Variants in TMEM132D observed in about 807,000 individuals in gnomAD.
TMEM132D encodes the protein mature OL transmembrane protein.
In TMEM132D, 21 loss-of-function variants were observed where a neutral mutation model predicts 62.3. The observed-to-expected ratio is 0.34, with a 90% CI of 0.24 to 0.49. The LOEUF is 0.49. Among genes scored for constraint, TMEM132D ranks in the 20% least tolerant of loss-of-function variants. The pLI, the probability that TMEM132D is intolerant of heterozygous loss-of-function variation, is 0.99. For synonymous variants in TMEM132D, 621 were observed against 575.6 expected (o/e 1.08, Z -1.13); for missense variants, 1,346 against 1,402.8 (o/e 0.96, Z 0.65).
chr12:129,674,959 G>T (rs184853239), intron 2 of TMEM132D, among the ~76,000 whole-genome samples: 4 of 152,280 alleles, frequency 2.6e-5, no homozygotes, highest in Non-Finnish European at 5.9e-5. Flanking sequence ...TTTTCAGCAT[G>T]TATGTTTTGG....
At chr12:129,075,917 TCCTC>T (rs377474059) in intron 8 of TMEM132D, among the ~76,000 whole-genome samples, 47 of 151,970 alleles carry the variant, frequency 3.1e-4, no homozygotes, top group South Asian at 1.0e-3. Flanking sequence ...ATCCATTGCT[TCCTC>T]CCTCCCTCCC....
chr12:129,607,704 A>G (rs1215177428), intron 2 of TMEM132D, among the ~76,000 whole-genome samples: 1 of 152,204 alleles, frequency 6.6e-6, no homozygotes, highest in Admixed American at 6.5e-5. Flanking sequence ...GACCGACTAC[A>G]GGATGAATAG....
At chr12:129,327,549 G>A (rs1012465809) in intron 4 of TMEM132D, among the ~76,000 whole-genome samples, 6 of 152,142 alleles carry the variant, frequency 3.9e-5, no homozygotes, top group East Asian at 1.9e-4. Context: ...ATATCATCTC[G>A]GAAAGTTTCA....
intron 2 of TMEM132D, among the ~76,000 whole-genome samples, chr12:129,596,819 C>G (rs952233745): frequency 6.6e-6 from 1 of 151,914 alleles, no homozygotes; most frequent in African/African-American, 2.4e-5. Flanking sequence ...CCCATCCACC[C>G]CCCGCCAATA....
intron 2 of TMEM132D, among the ~76,000 whole-genome samples, chr12:129,534,557 A>G (rs536099501): frequency 5.9e-5 from 9 of 152,096 alleles, no homozygotes; most frequent in Non-Finnish European, 1.2e-4. Context: ...GTGGTGCGCA[A>G]TTGTTGCTTT....
chr12:129,381,268 GA>G (rs2135687196), intron 3 of TMEM132D, among the ~76,000 whole-genome samples: 1 of 152,270 alleles, frequency 6.6e-6, no homozygotes, highest in East Asian at 1.9e-4. Flanking sequence ...TTTCTCCTAT[GA>G]GCTCTTATAG....
intron 5 of TMEM132D, among the ~76,000 whole-genome samples, chr12:129,136,578 G>A (rs1876564021): frequency 6.6e-6 from 1 of 152,186 alleles, no homozygotes; most frequent in South Asian, 2.1e-4. Context: ...CTATTTGAAA[G>A]CTTATGGCTT....
intron 4 of TMEM132D, among the ~76,000 whole-genome samples, chr12:129,264,148 G>A (rs754603488): frequency 9.2e-5 from 14 of 152,182 alleles, no homozygotes; most frequent in Non-Finnish European, 1.9e-4. Flanking sequence ...CAGCACTTTG[G>A]AAGGCCAAGG....
At chr12:129,894,262 T>A (rs1426355055) in intron 1 of TMEM132D, among the ~76,000 whole-genome samples, 1 of 152,088 alleles carries the variant, frequency 6.6e-6, no homozygotes, top group Non-Finnish European at 1.5e-5. Context: ...AACCATTAGA[T>A]CCTGTGAGAC....
chr12:129,524,191 C>T (rs773897412), intron 3 of TMEM132D, among the ~76,000 whole-genome samples: 1 of 151,396 alleles, frequency 6.6e-6, no homozygotes, highest in Admixed American at 6.6e-5. Context: ...TGTAACAAAC[C>T]TGCACATTGT....
chr12:129,397,359 T>G (rs772878414), intron 3 of TMEM132D, among the ~76,000 whole-genome samples: 2 of 152,182 alleles, frequency 1.3e-5, no homozygotes, highest in Non-Finnish European at 2.9e-5. Context: ...GTTCAGAAAT[T>G]AGATTTAATT....
At chr12:129,385,009 A>G (rs1459083662) in intron 3 of TMEM132D, among the ~76,000 whole-genome samples, 1 of 150,834 alleles carries the variant, frequency 6.6e-6, no homozygotes, top group Non-Finnish European at 1.5e-5. Context: ...CAAATTGTCT[A>G]TTATAACAAA....
intron 3 of TMEM132D, among the ~76,000 whole-genome samples, chr12:129,436,677 C>T (rs148223739): frequency 2.6e-5 from 4 of 152,174 alleles, no homozygotes; most frequent in African/African-American, 9.6e-5. Context: ...GAACAGATCT[C>T]CAAAACATAT....
intron 5 of TMEM132D, among the ~76,000 whole-genome samples, chr12:129,134,314 C>T (rs112070161): frequency 6.1e-4 from 93 of 152,142 alleles, no homozygotes; most frequent in Non-Finnish European, 1.1e-3. Context: ...AGGCACTGGA[C>T]TTTCTTTATC....
intron 4 of TMEM132D, among the ~76,000 whole-genome samples, chr12:129,280,993 G>C (rs796638795): frequency 2.0e-5 from 3 of 151,688 alleles, no homozygotes; most frequent in African/African-American, 7.2e-5. Context: ...TTCTTAAAAT[G>C]TGGTCCATCT....
intron 4 of TMEM132D, among the ~76,000 whole-genome samples, chr12:129,305,764 G>T (rs572117496): frequency 6.6e-6 from 1 of 152,124 alleles, no homozygotes; most frequent in South Asian, 2.1e-4. Context: ...TCTCTCACAG[G>T]GTGTCATGGA....
intron 4 of TMEM132D, among the ~76,000 whole-genome samples, chr12:129,228,774 G>T (rs1179977257): frequency 6.6e-6 from 1 of 152,198 alleles, no homozygotes; most frequent in Non-Finnish European, 1.5e-5. Context: ...CAATTCCGAT[G>T]CTGTTATGAT....
intron 1 of TMEM132D, among the ~76,000 whole-genome samples, chr12:129,798,136 C>T (rs1467349025): frequency 1.3e-5 from 2 of 152,180 alleles, no homozygotes; most frequent in African/African-American, 2.4e-5. Flanking sequence ...GACTGTAGCT[C>T]CCTAGACTCC....
At chr12:129,467,941 T>C (rs1335043980) in intron 3 of TMEM132D, among the ~76,000 whole-genome samples, 1 of 152,094 alleles carries the variant, frequency 6.6e-6, no homozygotes, top group Non-Finnish European at 1.5e-5. Context: ...ATACCCTGGG[T>C]AAATGTCCGA....
Sources: allele counts gnomAD v4.1 joint callset (sites outside exome capture counted in the v4.1 genomes callset), GRCh38; gene constraint gnomAD v4.1.1; transcripts MANE v1.5; gene names NCBI Gene and HGNC (gene_info 2026-07-23, HGNC 2026-07-21).